Variants in CACNG2 observed in about 807,000 individuals in gnomAD.
CACNG2 encodes the protein calcium voltage-gated channel auxiliary subunit gamma 2.
CACNG2 carries 3 observed loss-of-function variants against 25.9 expected under a neutral mutation model. The observed-to-expected ratio is 0.12, with a 90% CI of 0.05 to 0.30. The LOEUF is 0.30. Among genes scored for constraint, CACNG2 ranks in the 10% least tolerant of loss-of-function variants. CACNG2 has a pLI of 1.00. For synonymous variants in CACNG2, 167 were observed against 173.3 expected, an observed-to-expected ratio of 0.96 and a Z score of 0.29; for missense variants, 341 against 432.5, an observed-to-expected ratio of 0.79 and a Z score of 1.88.
chr22:36,631,647 C>T (rs534899888), intron 1 of CACNG2, among the ~76,000 whole-genome samples: 25 of 152,200 alleles, frequency 1.6e-4, no homozygotes, highest in Middle Eastern at 3.4e-3. Flanking sequence ...GGATGTGTGG[C>T]CCCAAGGCAC....
intron 2 of CACNG2, among the ~76,000 whole-genome samples, chr22:36,583,287 G>A (rs191850513): frequency 6.3e-4 from 96 of 152,146 alleles, no homozygotes; most frequent in African/African-American, 2.3e-3. Context: ...ACAAAAATTA[G>A]CCAGATGTGG....
intron 1 of CACNG2, among the ~76,000 whole-genome samples, chr22:36,600,081 C>T (rs569534483): frequency 1.8e-3 from 278 of 152,212 alleles, no homozygotes; most frequent in Non-Finnish European, 2.7e-3. Flanking sequence ...GAGCTCCAGC[C>T]GCCATCTTGG....
chr22:36,576,605 TGTGA>T (rs1935319462), intron 2 of CACNG2, among the ~76,000 whole-genome samples: 3 of 150,190 alleles, frequency 2.0e-5, no homozygotes, highest in African/African-American at 4.9e-5. Context: ...TGTGTGTGTG[TGTGA>T]GAGAGAGAGA....
intron 2 of CACNG2, among the ~76,000 whole-genome samples, chr22:36,577,822 A>T (rs1935350360): frequency 6.6e-6 from 1 of 152,038 alleles, no homozygotes; most frequent in African/African-American, 2.4e-5. Context: ...GGGTCACAAT[A>T]GTTTTAGCCG....
intron 1 of CACNG2, among the ~76,000 whole-genome samples, chr22:36,608,587 G>C (rs1423380801): frequency 6.6e-6 from 1 of 152,192 alleles, no homozygotes; most frequent in Non-Finnish European, 1.5e-5. Context: ...CTACAGGTGA[G>C]AAACTGGAGG....
At chr22:36,587,607 C>T in intron 1 of CACNG2, 59 bp from the exon 2 acceptor site, 1 of 1,170,448 alleles carries the variant, frequency 8.5e-7, no homozygotes, top group Non-Finnish European at 1.3e-6. Flanking sequence ...GCGCTTAGGG[C>T]CCACCTGCCT....
In CACNG2 at chr22:36,606,924, A is replaced by G. The variant is rs943301315; in HGVS notation, c.212-19376T>C. On this transcript the variant is annotated intron_variant, in intron 1 of 3. Transcript: ENST00000300105. The surrounding 1 kb of genome is among the most constrained non-coding windows in gnomAD (Gnocchi z 5.7). ...GGTGTGTGTATGCATGTGTGTGTAT[A>G]TGTGTGTATGTGTTTATATGGGTGT... Among the ~76,000 whole-genome samples, 4 of 149,746 alleles carry G rather than the reference A, an allele frequency of 2.7e-5. No individual in the cohort carries two copies. The highest frequency in any genetic ancestry group is 7.4e-5 in the African/African-American group (3 of 40,558).
Position 36,688,537 on chromosome 22 carries a change from CT to C in CACNG2, c.211+13828del, listed in dbSNP as rs1450108467. 3.6e-5 allele frequency among the ~76,000 whole-genome samples: 4 copies of C among 112,388 alleles called. No homozygotes were observed. In the Admixed American group the frequency reaches 3.7e-4, roughly 10 times the overall value. 73.7% of individuals were successfully genotyped at this position (112,388 alleles called of 152,430 possible). ...CCTGGGCGACAGAGTGAGACCCTGT[CT>C]CAAAAAAAAAAAAAAAAAAAAAGTA... is the stretch of plus-strand genomic sequence containing the variant. On this transcript the variant is annotated intron_variant, in intron 1 of 3. Coordinates refer to ENST00000300105, the MANE Select transcript of CACNG2 (RefSeq NM_006078.5).
intron 1 of CACNG2, among the ~76,000 whole-genome samples, chr22:36,661,231 G>A (rs914481785): frequency 3.3e-5 from 5 of 152,218 alleles, no homozygotes; most frequent in Admixed American, 2.0e-4. Context: ...GGCAGTACCC[G>A]ATGGGGTGTG....
chr22:36,647,149 G>A (rs762453729), intron 1 of CACNG2, among the ~76,000 whole-genome samples: 1 of 152,046 alleles, frequency 6.6e-6, no homozygotes, highest in Non-Finnish European at 1.5e-5. Context: ...TGCAAAAAAA[G>A]CCTTCCGCTT....
rs746289931 is a variant in CACNG2 at position 36,564,336 on chromosome 22, C to T, written c.*15G>A. Reference sequence around the variant, plus strand: ...GCGCCCTCCTCCCGCGGTCTTCTGGCGAGGCCCGCGGTCTTTATACGGGGG... The same window carrying T: ...GCGCCCTCCTCCCGCGGTCTTCTGGTGAGGCCCGCGGTCTTTATACGGGGG... On this transcript the variant is annotated 3_prime_UTR_variant, in exon 4 of 4. Coordinates refer to ENST00000300105, the MANE Select transcript of CACNG2 (RefSeq NM_006078.5). This position sits in a 1 kb window ranked among gnomAD's most constrained non-coding sequence, Gnocchi z 6.7. 3.1e-6 allele frequency: 5 copies of T among 1,606,262 alleles called. No homozygotes were observed. The highest frequency in any genetic ancestry group is 2.7e-5 in the African/African-American group (2 of 74,780).
chr22:36,679,771 G>C (rs895937174), intron 1 of CACNG2, among the ~76,000 whole-genome samples: 1 of 152,062 alleles, frequency 6.6e-6, no homozygotes, highest in African/African-American at 2.4e-5. Flanking sequence ...TGACACTCAC[G>C]GTGGAACTTG....
intron 1 of CACNG2, among the ~76,000 whole-genome samples, chr22:36,625,600 C>A (rs1307877727): frequency 1.3e-5 from 2 of 152,190 alleles, no homozygotes; most frequent in East Asian, 3.8e-4. Context: ...ACATCCAGAT[C>A]ATCACCGATG....
intron 1 of CACNG2, among the ~76,000 whole-genome samples, chr22:36,683,936 G>A (rs538310892): frequency 2.6e-5 from 4 of 152,290 alleles, no homozygotes; most frequent in African/African-American, 7.2e-5. Context: ...AGAACCGAGT[G>A]CTCCCGACGC....
At chr22:36,599,593 G>A (rs962715484) in intron 1 of CACNG2, among the ~76,000 whole-genome samples, 9 of 152,120 alleles carry the variant, frequency 5.9e-5, no homozygotes, top group African/African-American at 2.2e-4. Context: ...CCAGCTACTC[G>A]GGATGCTGAG....
intron 1 of CACNG2, among the ~76,000 whole-genome samples, chr22:36,628,641 T>C (rs1569034218): frequency 6.6e-6 from 1 of 152,168 alleles, no homozygotes; most frequent in Non-Finnish European, 1.5e-5. Context: ...ATAATAAATG[T>C]CCTCAGCTTG....
At chr22:36,576,896 T>A (rs1935326235) in intron 2 of CACNG2, among the ~76,000 whole-genome samples, 1 of 152,232 alleles carries the variant, frequency 6.6e-6, no homozygotes, top group African/African-American at 2.4e-5. Context: ...TCAATGAACG[T>A]GTGCTATATA....
intron 1 of CACNG2, among the ~76,000 whole-genome samples, chr22:36,688,283 C>A (rs1028281125): frequency 1.3e-5 from 2 of 151,998 alleles, no homozygotes; most frequent in African/African-American, 2.4e-5. Context: ...GTGGCTCACG[C>A]CCTGTAATCC....
At chr22:36,579,857 T>C (rs914539603) in intron 2 of CACNG2, among the ~76,000 whole-genome samples, 1 of 152,212 alleles carries the variant, frequency 6.6e-6, no homozygotes, top group Non-Finnish European at 1.5e-5. Context: ...AATGTCACCT[T>C]TGCCACAAGG....
Sources: allele counts gnomAD v4.1 joint callset (sites outside exome capture counted in the v4.1 genomes callset), GRCh38; gene constraint gnomAD v4.1.1; non-coding constraint Gnocchi (gnomAD v3.1); transcripts MANE v1.5; gene names NCBI Gene and HGNC (gene_info 2026-07-23, HGNC 2026-07-21).